The following SUGCT variants were observed in gnomAD, a reference collection of about 807,000 sequenced individuals.
SUGCT encodes the protein succinyl-CoA:glutarate-CoA transferase.
In SUGCT, 41 loss-of-function variants were observed where a neutral mutation model predicts 55.0. That is an observed-to-expected ratio of 0.74 (90% CI 0.58 to 0.97). The LOEUF (loss-of-function observed/expected upper bound fraction) is 0.97, where lower values mean the gene tolerates loss of function less well. Among genes scored for constraint, SUGCT ranks in the 50% least tolerant of loss-of-function variants. The pLI, the probability that SUGCT is intolerant of heterozygous loss-of-function variation, is 0.00. For missense variants in SUGCT, 568 were observed against 547.8 expected (o/e 1.04, Z -0.37); for synonymous variants, 187 against 200.4 (o/e 0.93, Z 0.56).
At chr7:40,734,049 T>A (rs1004729588) in intron 12 of SUGCT, among the ~76,000 whole-genome samples, 4 of 152,250 alleles carry the variant, frequency 2.6e-5, no homozygotes, top group Non-Finnish European at 4.4e-5. Flanking sequence ...AATAAGGAGA[T>A]GCCTTGTTGC....
At chr7:40,313,790 C>G (rs1795287894) in intron 8 of SUGCT, among the ~76,000 whole-genome samples, 1 of 150,716 alleles carries the variant, frequency 6.6e-6, no homozygotes, top group African/African-American at 2.4e-5. Context: ...ACAAGGTTTG[C>G]TATGTTGCCC....
intron 9 of SUGCT, among the ~76,000 whole-genome samples, chr7:40,447,018 T>C (rs1372519964): frequency 6.6e-6 from 1 of 152,158 alleles, no homozygotes; most frequent in East Asian, 1.9e-4. Flanking sequence ...TGATTTTTAG[T>C]GTATTCAGAG....
intron 13 of SUGCT, among the ~76,000 whole-genome samples, chr7:40,855,547 G>A (rs970657117): frequency 1.3e-5 from 2 of 151,802 alleles, no homozygotes; most frequent in African/African-American, 4.8e-5. Context: ...TCTGTTTTGA[G>A]TTATCTTCAT....
At chr7:40,487,220 G>GATTACAGGC (rs1405651518) in intron 11 of SUGCT, among the ~76,000 whole-genome samples, 70 of 143,538 alleles carry the variant, frequency 4.9e-4, no homozygotes, top group Non-Finnish European at 8.1e-4. Flanking sequence ...AGGTAGCCGG[G>GATTACAGGC]ATTACAGGCA....
chr7:40,470,936 T>C (rs1259951518), intron 11 of SUGCT, among the ~76,000 whole-genome samples: 1 of 152,166 alleles, frequency 6.6e-6, no homozygotes, highest in East Asian at 1.9e-4. Context: ...AGAGAAAAAA[T>C]CCAGACATTG....
At chr7:40,263,731 A>T (rs1189568548) in intron 7 of SUGCT, among the ~76,000 whole-genome samples, 14 of 152,220 alleles carry the variant, frequency 9.2e-5, no homozygotes, top group Admixed American at 9.2e-4. Flanking sequence ...TCAGGCACTT[A>T]CAAGGGATCT....
At chr7:40,192,535 G>A (rs1013843934) in intron 5 of SUGCT, among the ~76,000 whole-genome samples, 2 of 151,636 alleles carry the variant, frequency 1.3e-5, no homozygotes, top group African/African-American at 4.8e-5. Context: ...ATTCAGAAAA[G>A]TTGAAAGAAT....
At chr7:40,291,190 A>G (rs893882413) in intron 8 of SUGCT, among the ~76,000 whole-genome samples, 4 of 152,166 alleles carry the variant, frequency 2.6e-5, no homozygotes, top group African/African-American at 9.7e-5. Flanking sequence ...ATGCTGCTAT[A>G]AAGACACATG....
chr7:40,665,636 A>G (rs1801588122), intron 12 of SUGCT, among the ~76,000 whole-genome samples: 1 of 152,016 alleles, frequency 6.6e-6, no homozygotes, highest in Non-Finnish European at 1.5e-5. Flanking sequence ...TAGTTTGAGC[A>G]TTCCAGAAGC....
chr7:40,259,252 A>G (rs145609058), intron 7 of SUGCT, among the ~76,000 whole-genome samples: 17 of 152,342 alleles, frequency 1.1e-4, no homozygotes, highest in African/African-American at 4.1e-4. Flanking sequence ...AACATAGTTA[A>G]TATACTTAAT....
At chr7:40,914,628 G>A in the SUGCT span, among the ~76,000 whole-genome samples, 1 of 152,180 alleles carries the variant, frequency 6.6e-6, no homozygotes, top group Non-Finnish European at 1.5e-5. Flanking sequence ...AGGAAGTAGA[G>A]TGGAAGGCAC....
the SUGCT span, among the ~76,000 whole-genome samples, chr7:41,008,099 C>A: frequency 3.3e-5 from 5 of 152,330 alleles, no homozygotes; most frequent in East Asian, 7.8e-4. Flanking sequence ...TATCCTCCCC[C>A]TCCCGTAGAC....
At chr7:40,776,180 A>G (rs1004068506) in intron 13 of SUGCT, among the ~76,000 whole-genome samples, 4 of 152,178 alleles carry the variant, frequency 2.6e-5, no homozygotes, top group African/African-American at 9.6e-5. Flanking sequence ...CAGCTCTTCT[A>G]TTTCTAAACC....
chr7:40,933,707 T>C, the SUGCT span, among the ~76,000 whole-genome samples: 1 of 152,226 alleles, frequency 6.6e-6, no homozygotes, highest in Non-Finnish European at 1.5e-5. Flanking sequence ...TGATATCCTT[T>C]CTTCCACTTG....
chr7:40,362,598 C>G (rs1798211071), intron 9 of SUGCT, among the ~76,000 whole-genome samples: 1 of 151,860 alleles, frequency 6.6e-6, no homozygotes, highest in Non-Finnish European at 1.5e-5. Context: ...TTTGACAGTA[C>G]TATATAGCTG....
At chr7:40,977,473 A>T in the SUGCT span, among the ~76,000 whole-genome samples, 2 of 152,212 alleles carry the variant, frequency 1.3e-5, no homozygotes, top group African/African-American at 2.4e-5. Context: ...TGTATGTGCT[A>T]TCTCATTTTA....
chr7:40,556,978 A>G (rs570898408), intron 12 of SUGCT, among the ~76,000 whole-genome samples: 1 of 152,340 alleles, frequency 6.6e-6, no homozygotes, highest in Non-Finnish European at 1.5e-5. Flanking sequence ...TCAAAATCCC[A>G]CTAGTGTTTT....
intron 11 of SUGCT, among the ~76,000 whole-genome samples, chr7:40,486,265 ATTGT>A (rs1791341155): frequency 6.6e-6 from 1 of 152,008 alleles, no homozygotes; most frequent in Admixed American, 6.6e-5. Flanking sequence ...CTGGCACATG[ATTGT>A]TTGTAATAAT....
chr7:40,334,148 T>C (rs1796529196), intron 9 of SUGCT, among the ~76,000 whole-genome samples: 1 of 152,210 alleles, frequency 6.6e-6, no homozygotes, highest in South Asian at 2.1e-4. Flanking sequence ...ATCCAGTCTA[T>C]CATTGATGGA....
Sources: allele counts gnomAD v4.1 joint callset (sites outside exome capture counted in the v4.1 genomes callset), GRCh38; gene constraint gnomAD v4.1.1; transcripts MANE v1.5; gene names NCBI Gene and HGNC (gene_info 2026-07-23, HGNC 2026-07-21).